ZNF587B: variants seen among roughly 807,000 people sequenced by gnomAD.
ZNF587B encodes zinc finger protein 587B.
ZNF587B carries 6 observed loss-of-function variants against 7.2 expected under a neutral mutation model. The observed-to-expected ratio is 0.83, with a 90% confidence interval of 0.46 to 1.65. The LOEUF is 1.65. Ranked by LOEUF, ZNF587B falls within the 40% of genes most tolerant of loss-of-function variation. The pLI is 0.01. For synonymous variants in ZNF587B, 274 were observed against 254.3 expected (o/e 1.08, Z -0.74); for missense variants, 749 against 761.0 (o/e 0.98, Z 0.19).
Position 57,843,408 on chromosome 19 carries a change from T to G in ZNF587B, c.*832T>G. On this transcript the variant is annotated 3_prime_UTR_variant, in exon 3 of 3. Transcript: ENST00000594901. Reference sequence around the variant, plus strand: ...ATATTTTTTACTATGCCCTGTTATCTTGCTAGACTTATGTGACTGCCACTT... The same window carrying G: ...ATATTTTTTACTATGCCCTGTTATCGTGCTAGACTTATGTGACTGCCACTT... 2.0e-6 allele frequency: 2 copies of G among 985,404 alleles called. No individual in the cohort carries two copies. Among genetic ancestry groups the G allele is most frequent in the Non-Finnish European group, 2.4e-6 (2 of 829,922 alleles). The allele number at this position is 985,404 out of a possible 1,614,324, so 61.0% of individuals were successfully genotyped here.
chr19:57,840,364 G>C (rs1445363927), intron 2 of ZNF587B, among the ~76,000 whole-genome samples: 1 of 151,782 alleles, frequency 6.6e-6, no homozygotes, highest in African/African-American at 2.4e-5. Flanking sequence ...CACATCTCTG[G>C]ACCCCAAATC....
chr19:57,837,458 G>A (rs1027852028), intron 1 of ZNF587B, among the ~76,000 whole-genome samples: 6 of 148,140 alleles, frequency 4.1e-5, no homozygotes, highest in Admixed American at 1.3e-4. Flanking sequence ...TTTTGGTTTG[G>A]TTTTGTTTGA....
chr19:57,830,662 C>A, intron 1 of ZNF587B, 98 bp downstream of exon 1: 1 of 1,382,112 alleles, frequency 7.2e-7, no homozygotes, highest in Non-Finnish European at 9.9e-7. Context: ...GAGCCATAGG[C>A]AGCAGATGCT....
chr19:57,841,229 A>T lies in ZNF587B; in HGVS notation c.555A>T (p.Leu185Phe), dbSNP rs756640457. 2.5e-6 allele frequency: 4 copies of T among 1,613,896 alleles called. No individual in the cohort carries two copies. The highest frequency in any genetic ancestry group is 2.5e-6 in the Non-Finnish European group (3 of 1,180,004). The change falls in exon 3 of 3, where the codon TTA becomes TTT. Residue 185 changes from leucine (L) to phenylalanine (F), a missense_variant. Physicochemically the swap from Leu to Phe is conservative, Grantham distance 22. Coordinates refer to ENST00000594901, the MANE Select transcript of ZNF587B (RefSeq NM_001376223.1). ...SGKDFLPRSG[L>F]LQQEASHTGE... ...AGGACTTTTTGCCCAGGTCAGGATTACTCCAGCAGGAGGCCAGTCACACTG... is the reference window on the plus strand; with the variant it reads ...AGGACTTTTTGCCCAGGTCAGGATTTCTCCAGCAGGAGGCCAGTCACACTG...
At chr19:57,830,914 G>T (rs904876730) in intron 1 of ZNF587B, among the ~76,000 whole-genome samples, 2 of 152,186 alleles carry the variant, frequency 1.3e-5, no homozygotes, top group Admixed American at 6.5e-5. Flanking sequence ...TTAGAAAGGG[G>T]AGGGGGGGTC....
In ZNF587B at chr19:57,842,277, T is replaced by C; in HGVS notation, c.1603T>C (p.Cys535Arg). Residue 535 changes from cysteine to arginine, a missense_variant, in exon 3 of 3, where the codon TGT (cysteine) becomes CGT (arginine). Around this residue, in one of 3 missense-constraint regions of ZNF587B, gnomAD observed 656 missense variants for 596.5 expected, o/e 1.10. Coordinates refer to ENST00000594901, the MANE Select transcript of ZNF587B (RefSeq NM_001376223.1). ...SDCGKSFTHS[C>R]AFIVHKRVHT... is the part of the protein sequence containing the mutation. The stretch of plus-strand genomic sequence containing the variant: ...TTGTGGGAAGTCATTTACCCACAGC[T>C]GTGCATTCATTGTTCATAAGAGAGT... The C allele has an allele frequency of 1.2e-6, 2 of 1,613,154 alleles. 1 individual carries two copies. The highest frequency in any genetic ancestry group is 1.7e-6 in the Non-Finnish European group (2 of 1,179,366).
Position 57,842,070 on chromosome 19 carries a change from T to C in ZNF587B, c.1396T>C (p.Tyr466His). Reference protein sequence around the residue: ...HQHGHTRKRPYMCWECGKLFK... With the variant: ...HQHGHTRKRPHMCWECGKLFK... ...GCATGGCCATACTAGAAAAAGGCCTTATATGTGTTGGGAATGTGGAAAATT... is the reference window on the plus strand; with the variant it reads ...GCATGGCCATACTAGAAAAAGGCCTCATATGTGTTGGGAATGTGGAAAATT... The change falls in exon 3 of 3, where the codon TAT (tyrosine) becomes CAT (histidine). Residue 466 changes from tyrosine to histidine, a missense_variant. Tyr to His is a moderately conservative substitution (Grantham distance 83). This residue lies in a region of ZNF587B where 656 missense variants were observed against 596.5 expected (regional missense o/e 1.10). Transcript: ENST00000594901. 2 of 1,590,932 alleles carry C rather than the reference T, an allele frequency of 1.3e-6. No homozygotes were observed. The highest frequency in any genetic ancestry group is 2.3e-5 in the East Asian group (1 of 43,560).
At chr19:57,831,253 T>G (rs568126754) in intron 1 of ZNF587B, among the ~76,000 whole-genome samples, 1 of 152,104 alleles carries the variant, frequency 6.6e-6, no homozygotes, top group East Asian at 1.9e-4. Context: ...TGGAAACAAG[T>G]CTAGGTGATT....
rs192147624 is a variant in ZNF587B at position 57,842,962 on chromosome 19, T to A, written c.*386T>A. 4.6e-4 allele frequency: 455 copies of A among 985,300 alleles called. No homozygotes were observed. The highest frequency in any genetic ancestry group is 1.0e-3 in the Middle Eastern group (2 of 1,914). 61.0% of individuals were successfully genotyped at this position (985,300 alleles called of 1,614,324 possible). A position where few individuals can be genotyped will look rare whatever the true frequency, so the allele number is the denominator to read the frequency against. On this transcript the variant is annotated 3_prime_UTR_variant, in exon 3 of 3. Transcript: ENST00000594901. ...GAACACTGAGATGAGAAAAACACTGTAGATGTATAGGTTAGATATATAGGG... is the reference window on the plus strand; with the variant it reads ...GAACACTGAGATGAGAAAAACACTGAAGATGTATAGGTTAGATATATAGGG...
In ZNF587B at chr19:57,845,696, T is replaced by C. The variant is rs1364502313; in HGVS notation, c.*3120T>C. The C allele has an allele frequency of 6.6e-6, 1 of 152,254 alleles. No individual in the cohort carries two copies. Among genetic ancestry groups the C allele is most frequent in the Non-Finnish European group, 1.5e-5 (1 of 68,050 alleles). The allele number at this position is 152,254 out of a possible 1,614,324, so 9.4% of individuals were successfully genotyped here. On this transcript the variant is annotated 3_prime_UTR_variant, in exon 3 of 3. Transcript: ENST00000594901. ...AAATGATGGCAAATCTGTATTTTTCTCTTAAACCGTGTTATAAAAGCTGTA... is the reference window on the plus strand; with the variant it reads ...AAATGATGGCAAATCTGTATTTTTCCCTTAAACCGTGTTATAAAAGCTGTA...
In ZNF587B at chr19:57,836,861, G is replaced by A. The variant is rs575663888; in HGVS notation, c.37-2162G>A. Among the ~76,000 whole-genome samples, 281 of 151,586 alleles carry A rather than the reference G, an allele frequency of 1.9e-3. 2 individuals are homozygous for A. The highest frequency in any genetic ancestry group is 6.3e-3 in the African/African-American group (262 of 41,270). On this transcript the variant is annotated intron_variant, in intron 1 of 2. Coordinates refer to ENST00000594901, the MANE Select transcript of ZNF587B (RefSeq NM_001376223.1). ...CTCATGTAATCCCAGCTACTGAGGA[G>A]CTGAGGCAAGAGAATTGCTTGAACC...
chr19:57,836,975 A>AG (rs911676645), intron 1 of ZNF587B, among the ~76,000 whole-genome samples: 3 of 151,160 alleles, frequency 2.0e-5, no homozygotes, highest in African/African-American at 7.4e-5. Context: ...AAAAAAAAAA[A>AG]AAAAAAGGAA....
At position 57,842,438 on chromosome 19, in the gene ZNF587B, T is replaced by G. The variant is rs753674010; in HGVS notation, c.1764T>G (p.Ala588=). The G allele has an allele frequency of 3.7e-6, 6 of 1,603,324 alleles. No individual in the cohort carries two copies. The East Asian group carries it at 1.3e-4, about 36-fold the overall frequency. ...YECSECGKSF[A]GISSLTNHRR... ...GCAGTGAATGTGGGAAATCTTTTGCTGGAATCTCCAGTCTCACTAATCACA... is the reference window on the plus strand; with the variant it reads ...GCAGTGAATGTGGGAAATCTTTTGCGGGAATCTCCAGTCTCACTAATCACA... The change falls in exon 3 of 3, where the codon GCT becomes GCG. Residue 588 remains alanine, a synonymous_variant. Coordinates refer to ENST00000594901, the MANE Select transcript of ZNF587B (RefSeq NM_001376223.1).
chr19:57,839,182 C>T (rs748563963), intron 2 of ZNF587B, 33 bp downstream of exon 2: 2 of 1,611,910 alleles, frequency 1.2e-6, no homozygotes, highest in Admixed American at 3.3e-5. Context: ...GTGACTTGAG[C>T]TAGTCTCTGT....
At chr19:57,835,377 A>G (rs1311863002) in intron 1 of ZNF587B, among the ~76,000 whole-genome samples, 123 of 118,448 alleles carry the variant, frequency 1.0e-3, no homozygotes, top group Non-Finnish European at 1.7e-3. Flanking sequence ...TTTTTTTTTT[A>G]GGTGGAGTCT....
At position 57,842,024 on chromosome 19, in the gene ZNF587B, G is replaced by A; in HGVS notation, c.1350G>A (p.Lys450=). 6.3e-7 allele frequency: 1 copy of A among 1,595,708 alleles called. No individual in the cohort carries two copies. Among genetic ancestry groups the A allele is most frequent in the East Asian group, 2.3e-5 (1 of 43,838 alleles). ...CGECGKCFSH[K]GNLILHQHGH... The stretch of plus-strand genomic sequence containing the variant: ...AATGTGGGAAATGTTTTAGTCACAA[G>A]GGTAACCTCATTCTACACCAGCATG... Residue 450 remains lysine, a synonymous_variant, in exon 3 of 3, where the codon AAG becomes AAA. Transcript: ENST00000594901.
intron 1 of ZNF587B, among the ~76,000 whole-genome samples, chr19:57,838,427 C>A (rs184884171): frequency 2.6e-5 from 4 of 152,092 alleles, no homozygotes; most frequent in Admixed American, 2.6e-4. Flanking sequence ...ATGATGAAAC[C>A]CCGTCTCTAC....
intron 1 of ZNF587B, among the ~76,000 whole-genome samples, chr19:57,831,860 A>G (rs918430393): frequency 1.2e-4 from 18 of 151,184 alleles, no homozygotes; most frequent in African/African-American, 1.7e-4. Flanking sequence ...ACCCGCCACC[A>G]TGCCCGGCTA....
chr19:57,830,748 C>G (rs527632004), intron 1 of ZNF587B, among the ~76,000 whole-genome samples, 184 bp downstream of exon 1: 2 of 141,934 alleles, frequency 1.4e-5, no homozygotes, highest in African/African-American at 2.6e-5. Flanking sequence ...GTCACTGTAC[C>G]TGAGCGAGTT....
Sources: allele counts gnomAD v4.1 joint callset (sites outside exome capture counted in the v4.1 genomes callset), GRCh38; gene constraint gnomAD v4.1.1; regional missense constraint gnomAD v4.1.1; transcripts MANE v1.5; gene names NCBI Gene and HGNC (gene_info 2026-07-23, HGNC 2026-07-21).